ZNF106: variants seen among roughly 807,000 people sequenced by gnomAD.
ZNF106 encodes the protein SH3-domain binding protein 3.
ZNF106 carries 67 observed loss-of-function variants against 195.1 expected under a neutral mutation model. That is an observed-to-expected ratio of 0.34 (90% confidence interval 0.28 to 0.42). The LOEUF (loss-of-function observed/expected upper bound fraction) is 0.42, where lower values mean the gene tolerates loss of function less well. Among genes scored for constraint, ZNF106 ranks in the 10% least tolerant of loss-of-function variants. The pLI is 1.00. For missense variants in ZNF106, 2,118 were observed against 2,304.5 expected, an observed-to-expected ratio of 0.92 and a Z score of 1.66; for synonymous variants, 784 against 818.6, an observed-to-expected ratio of 0.96 and a Z score of 0.72.
At position 42,439,344 on chromosome 15, in the gene ZNF106, T is replaced by C; in HGVS notation, c.4233A>G (p.Gly1411=). 3 of 1,614,158 alleles carry C rather than the reference T, an allele frequency of 1.9e-6. No individual in the cohort carries two copies. The highest frequency in any genetic ancestry group is 1.3e-5 in the African/African-American group (1 of 75,058). Residue 1411 remains glycine (G), a synonymous_variant, in exon 11 of 22, where the codon GGA becomes GGG. Transcript: ENST00000564754. The part of the protein sequence containing the change: ...TVKPVRKVKA[G]KLIKGGKVTT... ...TTACTTTCCCCCCTTTAATTAACTT[T>C]CCAGCTTTTACTTTCCTTACAGGTT...
chr15:42,449,479 C>T lies in ZNF106; in HGVS notation c.2501+292G>A, dbSNP rs78889894. ...CATTTTTATGCTGTCATTTTCTACC[C>T]CTATAAAGTGACGGATTTTACCCCT... On this transcript the variant is annotated intron_variant, in intron 5 of 21. Transcript: ENST00000564754. Among the ~76,000 whole-genome samples the T allele has an allele frequency of 0.015, 2,276 of 152,256 alleles. 59 individuals carry two copies. The highest frequency in any genetic ancestry group is 0.052 in the African/African-American group (2,176 of 41,536).
At chr15:42,446,544 C>T in intron 7 of ZNF106, 45 bp downstream of exon 7, 1 of 1,532,476 alleles carries the variant, frequency 6.5e-7, no homozygotes, top group Non-Finnish European at 8.9e-7. Context: ...CCAAAAAAAA[C>T]CAAAAAACAC....
intron 1 of ZNF106, among the ~76,000 whole-genome samples, 152 bp downstream of exon 1, chr15:42,490,827 TG>T (rs1189086609): frequency 6.6e-6 from 1 of 152,158 alleles, no homozygotes; most frequent in Non-Finnish European, 1.5e-5. Flanking sequence ...GCGCCGGCTC[TG>T]GGAGAGTGGA....
intron 17 of ZNF106, 76 bp from the exon 18 acceptor site, chr15:42,422,696 G>A: frequency 1.4e-6 from 2 of 1,472,770 alleles, no homozygotes; most frequent in East Asian, 2.3e-5. Flanking sequence ...ATAATTCTAA[G>A]AGGCATAATT....
At chr15:42,465,130 G>A (rs980340753) in intron 3 of ZNF106, among the ~76,000 whole-genome samples, 1 of 152,176 alleles carries the variant, frequency 6.6e-6, no homozygotes, top group African/African-American at 2.4e-5. Flanking sequence ...TGAACTCCTG[G>A]GCTCAAGCAA....
At chr15:42,459,058 C>T (rs1053454103) in intron 3 of ZNF106, among the ~76,000 whole-genome samples, 1 of 152,036 alleles carries the variant, frequency 6.6e-6, no homozygotes, top group East Asian at 1.9e-4. Context: ...TGTGCTCTGA[C>T]CAGGTTTCCT....
At chr15:42,447,640 T>C (rs767174933) in intron 6 of ZNF106, among the ~76,000 whole-genome samples, 14 of 152,208 alleles carry the variant, frequency 9.2e-5, no homozygotes, top group African/African-American at 1.7e-4. Context: ...TGCACTCTAA[T>C]AGTATTAAAA....
At chr15:42,447,863 T>C (rs945052134) in intron 6 of ZNF106, among the ~76,000 whole-genome samples, 13 of 152,234 alleles carry the variant, frequency 8.5e-5, no homozygotes, top group African/African-American at 3.1e-4. Context: ...ATTTTCCTGG[T>C]ACTGTACATT....
rs1222736566 is a variant in ZNF106 at position 42,426,228 on chromosome 15, C to T, written c.4999-1203G>A. On this transcript the variant is annotated intron_variant, in intron 15 of 21. Transcript: ENST00000564754. ...ATGGGCAACCTAGGAAAAAGCCCAG[C>T]CCTCATCTTCAAAATTCACATCTAT... 9.2e-5 allele frequency among the ~76,000 whole-genome samples: 14 copies of T among 152,144 alleles called. No individual in the cohort carries two copies. In the East Asian group the frequency reaches 2.7e-3, roughly 29 times the overall value.
In ZNF106 at chr15:42,450,745, G is replaced by C; in HGVS notation, c.1527C>G (p.His509Gln). Residue 509 changes from histidine (H) to glutamine (Q), a missense_variant, in exon 5 of 22, where the codon CAC becomes CAG. By Grantham distance (24) the His-to-Gln change is conservative. Transcript: ENST00000564754. ...CAGTGGGCTTGTTCGAGGGATTTGA[G>C]TGTTCTCCAGGGGAAAAAAAATTTG... ...TKTNFFSPGEHSNPSNKPTVE... is the reference protein window; with the variant it reads ...TKTNFFSPGEQSNPSNKPTVE... 1 of 1,614,222 alleles carries C rather than the reference G, an allele frequency of 6.2e-7. No homozygotes were observed. The highest frequency in any genetic ancestry group is 1.1e-5 in the South Asian group (1 of 91,084).
chr15:42,425,125 C>G, intron 15 of ZNF106, 100 bp from the exon 16 acceptor site: 1 of 1,189,850 alleles, frequency 8.4e-7, no homozygotes, highest in Non-Finnish European at 1.2e-6. Context: ...GTCACCTGTA[C>G]TCAAATTTTC....
chr15:42,477,322 A>G (rs540050769), intron 1 of ZNF106, among the ~76,000 whole-genome samples: 4 of 152,178 alleles, frequency 2.6e-5, no homozygotes, highest in African/African-American at 4.8e-5. Flanking sequence ...CTTCTCTGTA[A>G]GCACTGCTTC....
chr15:42,462,693 G>A (rs1293200323), intron 3 of ZNF106, among the ~76,000 whole-genome samples: 1 of 152,204 alleles, frequency 6.6e-6, no homozygotes, highest in East Asian at 1.9e-4. Flanking sequence ...AGAGAAATAG[G>A]ATTTAGAGGG....
chr15:42,463,443 C>G (rs534669147), intron 3 of ZNF106, among the ~76,000 whole-genome samples: 14 of 152,102 alleles, frequency 9.2e-5, no homozygotes, highest in African/African-American at 3.4e-4. Flanking sequence ...TGCCTGTAGT[C>G]CCACCACTTT....
chr15:42,417,191 T>C lies in ZNF106; in HGVS notation c.*113A>G. 1.7e-6 allele frequency: 2 copies of C among 1,164,256 alleles called. No homozygotes were observed. Among genetic ancestry groups the C allele is most frequent in the Non-Finnish European group, 1.3e-6 (1 of 796,992 alleles). 72.1% of individuals were successfully genotyped at this position (1,164,256 alleles called of 1,614,324 possible). On this transcript the variant is annotated 3_prime_UTR_variant, in exon 22 of 22. Coordinates refer to ENST00000564754, the MANE Select transcript of ZNF106 (RefSeq NM_001366845.3). ...TTATGCTAGGGGTATGCCTGGCTAG[T>C]AACCACTTTCTCCTTCCTTACTTCA...
chr15:42,427,984 T>C, intron 15 of ZNF106, 34 bp downstream of exon 15: 1 of 1,562,632 alleles, frequency 6.4e-7, no homozygotes, highest in African/African-American at 1.4e-5. Flanking sequence ...TTCAAGTGCA[T>C]GGGAAGTAAG....
Position 42,417,251 on chromosome 15 carries a change from C to G in ZNF106, c.*53G>C. ...GGAAGAGAGTGGCCTGTGTGGGGGG[C>G]CAATGTGAAAATAGTTCAACTAATG... On this transcript the variant is annotated 3_prime_UTR_variant, in exon 22 of 22. Transcript: ENST00000564754. The G allele has an allele frequency of 6.3e-7, 1 of 1,595,326 alleles. No homozygotes were observed. The highest frequency in any genetic ancestry group is 8.6e-7 in the Non-Finnish European group (1 of 1,163,614).
chr15:42,450,859 T>C lies in ZNF106; in HGVS notation c.1413A>G (p.Pro471=), dbSNP rs1334705903. 1.9e-6 allele frequency: 3 copies of C among 1,614,212 alleles called. No individual in the cohort carries two copies. The highest frequency in any genetic ancestry group is 1.1e-5 in the South Asian group (1 of 91,084). The change falls in exon 5 of 22, where the codon CCA becomes CCG. Residue 471 remains proline (P), a synonymous_variant. Transcript: ENST00000564754. ...PEQEHTPNKM[P]SLKSPLLPCP... ...ATGGAAGGAGTGGGGATTTCAATGATGGCATTTTATTTGGTGTATGCTCTT... is the reference window on the plus strand; with the variant it reads ...ATGGAAGGAGTGGGGATTTCAATGACGGCATTTTATTTGGTGTATGCTCTT...
Position 42,439,623 on chromosome 15 carries a change from T to C in ZNF106, c.3954A>G (p.Glu1318=), listed in dbSNP as rs146754689. The C allele has an allele frequency of 1.2e-6, 2 of 1,613,848 alleles. No homozygotes were observed. The highest frequency in any genetic ancestry group is 1.7e-6 in the Non-Finnish European group (2 of 1,179,934). The change falls in exon 11 of 22, where the codon GAA becomes GAG. Residue 1318 remains glutamate (E), a synonymous_variant. Transcript: ENST00000564754. ...ACCCACTATTGCCTTTGGTTGGCTC[T>C]TCCCCTTCTTTATTTATGCTAGAAA... ...AGLSSINKEG[E]EPTKGNSGSE...
Sources: allele counts gnomAD v4.1 joint callset (sites outside exome capture counted in the v4.1 genomes callset), GRCh38; gene constraint gnomAD v4.1.1; transcripts MANE v1.5; gene names NCBI Gene and HGNC (gene_info 2026-07-23, HGNC 2026-07-21).